The following SGCZ variants were observed in gnomAD, a reference collection of about 807,000 sequenced individuals.
The protein encoded by SGCZ is zeta-sarcoglycan.
Under a neutral mutation model 41.3 loss-of-function variants are expected in SGCZ, and 40 were observed. The ratio of observed to expected loss-of-function variants is 0.97; its 90% CI spans 0.75 to 1.26. The LOEUF (loss-of-function observed/expected upper bound fraction) is 1.26. Among genes scored for constraint, SGCZ ranks in the 50% most tolerant of loss-of-function variants. The pLI is 0.00. For synonymous variants in SGCZ, 206 were observed against 137.5 expected, an observed-to-expected ratio of 1.50 and a Z score of -3.49; for missense variants, 552 against 369.8, an observed-to-expected ratio of 1.49 and a Z score of -4.04.
intron 4 of SGCZ, among the ~76,000 whole-genome samples, chr8:14,226,228 G>A (rs1449504836): frequency 1.3e-5 from 2 of 152,006 alleles, no homozygotes; most frequent in Admixed American, 6.6e-5. Flanking sequence ...TGTAAATTTG[G>A]GAAAAACTTA....
At chr8:14,199,611 C>T (rs1430879064) in intron 4 of SGCZ, among the ~76,000 whole-genome samples, 2 of 151,998 alleles carry the variant, frequency 1.3e-5, no homozygotes, top group African/African-American at 2.4e-5. Flanking sequence ...AACCTGCTGA[C>T]GTGTGATGTC....
At chr8:14,158,858 T>G (rs1308014159) in intron 5 of SGCZ, among the ~76,000 whole-genome samples, 1 of 152,142 alleles carries the variant, frequency 6.6e-6, no homozygotes, top group African/African-American at 2.4e-5. Flanking sequence ...AACCTCTGCC[T>G]CCTGGGTTCA....
intron 2 of SGCZ, among the ~76,000 whole-genome samples, chr8:14,341,645 C>G (rs917605126): frequency 2.0e-5 from 3 of 152,078 alleles, no homozygotes; most frequent in Non-Finnish European, 2.9e-5. Flanking sequence ...ATTGTATCTC[C>G]CAGAATTCCC....
intron 1 of SGCZ, among the ~76,000 whole-genome samples, chr8:14,727,407 G>GA (rs1239305751): frequency 6.6e-6 from 1 of 152,084 alleles, no homozygotes; most frequent in African/African-American, 2.4e-5. Context: ...AAGTACTTTG[G>GA]AAAACTGCTT....
intron 2 of SGCZ, among the ~76,000 whole-genome samples, chr8:14,548,406 A>T (rs896157423): frequency 2.0e-5 from 3 of 152,180 alleles, no homozygotes; most frequent in African/African-American, 7.2e-5. Flanking sequence ...TATAACATTT[A>T]TGAATATAAA....
chr8:14,225,758 C>T lies in SGCZ; in HGVS notation c.424+11834G>A, dbSNP rs1366746118. On this transcript the variant is annotated intron_variant, in intron 4 of 7. Transcript: ENST00000382080. ...CGAAGCCAACAGCAATGATGGCCACCTCAACTGGAAATTATTTGGAAATAA... is the reference window on the plus strand; with the variant it reads ...CGAAGCCAACAGCAATGATGGCCACTTCAACTGGAAATTATTTGGAAATAA... Among the ~76,000 whole-genome samples, 4 of 151,966 alleles carry T rather than the reference C, an allele frequency of 2.6e-5. No homozygotes were observed. In the East Asian group the frequency reaches 7.7e-4, roughly 29 times the overall value.
intron 1 of SGCZ, among the ~76,000 whole-genome samples, chr8:14,845,815 T>G (rs1229849790): frequency 1.3e-5 from 2 of 151,934 alleles, no homozygotes; most frequent in Non-Finnish European, 2.9e-5. Context: ...CCAGATTACA[T>G]AAAAAGATAA....
intron 3 of SGCZ, among the ~76,000 whole-genome samples, chr8:14,245,255 C>T (rs181969464): frequency 1.3e-5 from 2 of 152,160 alleles, no homozygotes; most frequent in African/African-American, 4.8e-5. Context: ...AGATATAGAT[C>T]AATGGAACAG....
At chr8:14,264,928 A>T (rs1355224110) in intron 3 of SGCZ, among the ~76,000 whole-genome samples, 3 of 152,186 alleles carry the variant, frequency 2.0e-5, no homozygotes, top group Admixed American at 2.0e-4. Flanking sequence ...GCGCCACTGC[A>T]CTCCGGCCTG....
intron 2 of SGCZ, among the ~76,000 whole-genome samples, chr8:14,407,849 C>T (rs2117267018): frequency 6.6e-6 from 1 of 152,252 alleles, no homozygotes; most frequent in Admixed American, 6.5e-5. Context: ...TCCTAAACCT[C>T]CTAAATACAC....
At chr8:15,008,137 C>A (rs376960362) in intron 1 of SGCZ, among the ~76,000 whole-genome samples, 3 of 152,078 alleles carry the variant, frequency 2.0e-5, no homozygotes, top group Non-Finnish European at 4.4e-5. Flanking sequence ...AGGATATTAT[C>A]CCATTTTCTC....
At chr8:14,898,792 A>G (rs1260836571) in intron 1 of SGCZ, among the ~76,000 whole-genome samples, 2 of 152,182 alleles carry the variant, frequency 1.3e-5, no homozygotes, top group Non-Finnish European at 2.9e-5. Flanking sequence ...ATATAAAAGA[A>G]TAATTCAGTG....
At position 14,361,486 on chromosome 8, in the gene SGCZ, G is replaced by C. The variant is rs576438920; in HGVS notation, c.235-37282C>G. On this transcript the variant is annotated intron_variant, in intron 2 of 7. Transcript: ENST00000382080. ...TTCATCGAATCTGCTATTGAAGCTT[G>C]TGTATGCTTCACAAAGTTCTCATAC... 7.6e-4 allele frequency among the ~76,000 whole-genome samples: 116 copies of C among 152,202 alleles called. 1 individual carries two copies. The highest frequency in any genetic ancestry group is 6.2e-3 in the South Asian group (30 of 4,820).
intron 1 of SGCZ, among the ~76,000 whole-genome samples, chr8:14,788,113 G>A (rs1214552118): frequency 6.6e-6 from 1 of 152,098 alleles, no homozygotes; most frequent in Non-Finnish European, 1.5e-5. Context: ...AGCATTTTGT[G>A]ATATCATTAC....
chr8:14,505,259 T>C (rs1156348571), intron 2 of SGCZ, among the ~76,000 whole-genome samples: 1 of 152,168 alleles, frequency 6.6e-6, no homozygotes, highest in South Asian at 2.1e-4. Context: ...CTTTGAAATA[T>C]GTGTATATGT....
At chr8:14,809,496 TTGGTA>T (rs1801674608) in intron 1 of SGCZ, among the ~76,000 whole-genome samples, 1 of 152,132 alleles carries the variant, frequency 6.6e-6, no homozygotes. Flanking sequence ...TAGAAACCAC[TTGGTA>T]TGGTAATAAA....
chr8:14,221,049 AGGT>A (rs1806175887), intron 4 of SGCZ, among the ~76,000 whole-genome samples: 2 of 152,160 alleles, frequency 1.3e-5, no homozygotes, highest in Non-Finnish European at 2.9e-5. Flanking sequence ...GCCCAAGTAG[AGGT>A]AACTCATGAA....
intron 1 of SGCZ, among the ~76,000 whole-genome samples, chr8:15,144,818 C>T (rs1304430631): frequency 1.3e-5 from 2 of 152,180 alleles, no homozygotes; most frequent in South Asian, 4.1e-4. Flanking sequence ...AGCAGCAGTG[C>T]TTAGGGACAC....
intron 3 of SGCZ, among the ~76,000 whole-genome samples, chr8:14,322,018 A>T (rs1284422415): frequency 6.6e-6 from 1 of 152,138 alleles, no homozygotes; most frequent in Non-Finnish European, 1.5e-5. Flanking sequence ...AGTGAATCAT[A>T]ATGTGAGAGG....
Sources: allele counts gnomAD v4.1 joint callset (sites outside exome capture counted in the v4.1 genomes callset), GRCh38; gene constraint gnomAD v4.1.1; transcripts MANE v1.5; gene names NCBI Gene and HGNC (gene_info 2026-07-23, HGNC 2026-07-21).